The following ACAD9 variants were observed in gnomAD, a reference collection of about 807,000 sequenced individuals.
The protein encoded by ACAD9 is complex I assembly factor ACAD9, mitochondrial.
A neutral mutation model predicts 70.2 loss-of-function variants in ACAD9; 53 were observed. That is an observed-to-expected ratio of 0.75 (90% confidence interval 0.61 to 0.95). The LOEUF is 0.95. Ranked by LOEUF, ACAD9 falls within the 40% of genes least tolerant of loss-of-function variation. The probability of loss-of-function intolerance (pLI) is 0.00; values close to 1 mark genes in which losing one functional copy is unlikely to be tolerated. For missense variants in ACAD9, 777 were observed against 802.8 expected (o/e 0.97, Z 0.39); for synonymous variants, 313 against 312.1 (o/e 1.00, Z -0.03).
intron 2 of ACAD9, among the ~76,000 whole-genome samples, chr3:128,886,920 G>C (rs13076403): frequency 0.58 from 87,386 of 150,754 alleles, 28,169 homozygotes; most frequent in African/African-American, 0.87. Context: ...ATAATCTTCA[G>C]ACATGCTTTT....
chr3:128,895,248 T>G, intron 3 of ACAD9, 62 bp from the exon 4 acceptor site: 1 of 1,310,340 alleles, frequency 7.6e-7, no homozygotes, highest in Non-Finnish European at 1.1e-6. Flanking sequence ...AAAAAGCCAA[T>G]GAAGCCTTAA....
Position 128,912,708 on chromosome 3 carries a change from T to A in ACAD9, c.*101T>A. 8.8e-7 allele frequency: 1 copy of A among 1,142,722 alleles called. No individual in the cohort carries two copies. The highest frequency in any genetic ancestry group is 1.3e-6 in the Non-Finnish European group (1 of 756,808). The allele number at this position is 1,142,722 out of a possible 1,614,324, so 70.8% of individuals were successfully genotyped here. ...AGAAGGTGTTGGGATTATCACAGGT[T>A]AAGCCTTTTGTTCCCCGTCTGCACC... On this transcript the variant is annotated 3_prime_UTR_variant, in exon 18 of 18. Transcript: ENST00000308982.
chr3:128,909,723 G>A (rs1002599299), intron 15 of ACAD9: 1 of 600,614 alleles, frequency 1.7e-6, no homozygotes, highest in Admixed American at 3.0e-5. Flanking sequence ...GGACCTGATT[G>A]GTGGGGCCCT....
chr3:128,886,500 G>A (rs1935253109), intron 2 of ACAD9, among the ~76,000 whole-genome samples: 1 of 151,982 alleles, frequency 6.6e-6, no homozygotes, highest in Non-Finnish European at 1.5e-5. Context: ...CCTGAGGTCG[G>A]GAGTTCGATA....
In ACAD9 at chr3:128,906,303, C is replaced by G; in HGVS notation, c.1278+54C>G. ...TGCTCCACCCCCACCCTGCCTGGTC[C>G]TAAAGATGCTGCTCAGGGCCTCGCA... On this transcript the variant is annotated intron_variant, in intron 12 of 17. Coordinates refer to ENST00000308982, the MANE Select transcript of ACAD9 (RefSeq NM_014049.5). 8.7e-6 allele frequency: 14 copies of G among 1,601,560 alleles called. No individual in the cohort carries two copies. The South Asian group carries it at 1.5e-4, about 18-fold the overall frequency.
intron 7 of ACAD9, among the ~76,000 whole-genome samples, chr3:128,900,704 GCT>G (rs1381796852): frequency 6.6e-6 from 1 of 152,100 alleles, no homozygotes; most frequent in Non-Finnish European, 1.5e-5. Context: ...TGTTGGGTCA[GCT>G]CTTTGTATTG....
intron 1 of ACAD9, among the ~76,000 whole-genome samples, chr3:128,883,470 G>T (rs1559817644): frequency 6.6e-6 from 1 of 151,240 alleles, no homozygotes; most frequent in Non-Finnish European, 1.5e-5. Context: ...CAATTCTCCT[G>T]CCTCAGCCTC....
At chr3:128,905,162 A>C (rs939386739) in intron 11 of ACAD9, among the ~76,000 whole-genome samples, 2 of 151,754 alleles carry the variant, frequency 1.3e-5, no homozygotes, top group East Asian at 2.0e-4. Flanking sequence ...AAAAAACAAA[A>C]AACAAAAAAC....
At position 128,902,706 on chromosome 3, in the gene ACAD9, C is replaced by T. The variant is rs1188194733; in HGVS notation, c.958+78C>T. On this transcript the variant is annotated intron_variant, in intron 9 of 17. Transcript: ENST00000308982. This position sits in a 1 kb window ranked among gnomAD's most constrained non-coding sequence, Gnocchi z 4.0. ...TCCAACCCTGGAGGCTCTGCCATTC[C>T]CCCGGCCCCTTCCAGGCCAGTGCTG... is the stretch of plus-strand genomic sequence containing the variant. The T allele has an allele frequency of 8.0e-6, 12 of 1,503,332 alleles. No individual in the cohort carries two copies. The highest frequency in any genetic ancestry group is 1.9e-5 in the Admixed American group (1 of 53,752). The allele number at this position is 1,503,332 out of a possible 1,614,324, so 93.1% of individuals were successfully genotyped here.
chr3:128,883,379 A>G (rs924823134), intron 1 of ACAD9, among the ~76,000 whole-genome samples: 1 of 148,730 alleles, frequency 6.7e-6, no homozygotes, highest in Non-Finnish European at 1.5e-5. Flanking sequence ...TTTTTTTTTT[A>G]TGGAGTCTCA....
chr3:128,911,045 GTGTA>G (rs531719665), intron 17 of ACAD9, among the ~76,000 whole-genome samples: 102 of 152,282 alleles, frequency 6.7e-4, no homozygotes, highest in East Asian at 5.2e-3. Flanking sequence ...ATGTGTGTGT[GTGTA>G]TGTATGTATG....
rs1180640015 is a variant in ACAD9, at chr3:128,893,806, A to T, written c.346+150A>T. 6 of 714,028 alleles carry T rather than the reference A, an allele frequency of 8.4e-6. No individual in the cohort carries two copies. In the Admixed American group the frequency reaches 1.2e-4, roughly 15 times the overall value. 44.2% of individuals were successfully genotyped at this position (714,028 alleles called of 1,614,324 possible). On this transcript the variant is annotated intron_variant, in intron 3 of 17. Transcript: ENST00000308982. Reference sequence around the variant, plus strand: ...ACTGACTGAAGGACCTGTAGGGAGGAAGTGTTCTCGGGTCCTGTGCTTCTC... The same window carrying T: ...ACTGACTGAAGGACCTGTAGGGAGGTAGTGTTCTCGGGTCCTGTGCTTCTC...
chr3:128,903,984 AAGGATGATGGCCAT>A (rs1446227048), intron 9 of ACAD9, 64 bp from the exon 10 acceptor site: 2 of 1,467,404 alleles, frequency 1.4e-6, no homozygotes, highest in Non-Finnish European at 1.9e-6. Context: ...TGGGAAGGGT[AAGGATGATGGCCAT>A]AGGAAATCAT....
intron 17 of ACAD9, among the ~76,000 whole-genome samples, chr3:128,911,893 T>C (rs775737803): frequency 1.3e-5 from 2 of 152,200 alleles, no homozygotes; most frequent in Non-Finnish European, 2.9e-5. Context: ...TCTCAGGCCT[T>C]GGCCTAGAGA....
Position 128,907,003 on chromosome 3 carries a change from G to A in ACAD9, c.1278+754G>A, listed in dbSNP as rs573741573. The stretch of plus-strand genomic sequence containing the variant: ...TGGACGGGGCTCATGTGGAGAGTGA[G>A]TTGCAGGGATGAGGCCGGAGACCAG... On this transcript the variant is annotated intron_variant, in intron 12 of 17. Coordinates refer to ENST00000308982, the MANE Select transcript of ACAD9 (RefSeq NM_014049.5). Among the ~76,000 whole-genome samples, 10 of 152,308 alleles carry A rather than the reference G, an allele frequency of 6.6e-5. No individual in the cohort carries two copies. In the East Asian group the frequency reaches 1.9e-3, roughly 29 times the overall value.
At chr3:128,908,622 C>G in intron 13 of ACAD9, 1 of 539,106 alleles carries the variant, frequency 1.9e-6, no homozygotes, top group South Asian at 2.0e-5. Context: ...CTCTGCCCTT[C>G]TTCCCCTCAT....
intron 1 of ACAD9, 134 bp downstream of exon 1, chr3:128,879,975 A>G: frequency 1.3e-6 from 2 of 1,558,188 alleles, no homozygotes; most frequent in African/African-American, 1.4e-5. Context: ...GCGTGTTAAC[A>G]CTCCGGATTC....
At chr3:128,906,277 G>T (rs1375464422) in intron 12 of ACAD9, 28 bp downstream of exon 12, 1 of 1,613,142 alleles carries the variant, frequency 6.2e-7, no homozygotes, top group East Asian at 2.2e-5. Flanking sequence ...CAGCTAAGCT[G>T]TGCTCCACCC....
intron 8 of ACAD9, 75 bp downstream of exon 8, chr3:128,901,424 TC>T (rs146195726): frequency 0.02 from 30,272 of 1,512,236 alleles, 903 homozygotes; most frequent in South Asian, 0.1. Context: ...TTTTGCCCTA[TC>T]CCTGCTCGTA....
Sources: allele counts gnomAD v4.1 joint callset (sites outside exome capture counted in the v4.1 genomes callset), GRCh38; gene constraint gnomAD v4.1.1; non-coding constraint Gnocchi (gnomAD v3.1); transcripts MANE v1.5; gene names NCBI Gene and HGNC (gene_info 2026-07-23, HGNC 2026-07-21).